Variants in KLHL3 observed in about 807,000 individuals in gnomAD.
KLHL3 encodes the protein kelch like family member 3.
In KLHL3, 19 loss-of-function variants were observed where a neutral mutation model predicts 70.5. The observed-to-expected ratio is 0.27, with a 90% CI of 0.19 to 0.40. The LOEUF is 0.40. Among genes scored for constraint, KLHL3 ranks in the 10% least tolerant of loss-of-function variants. The pLI, the probability that KLHL3 is intolerant of heterozygous loss-of-function variation, is 1.00. For missense variants in KLHL3, 512 were observed against 771.1 expected (o/e 0.66, Z 3.98); for synonymous variants, 258 against 290.3 (o/e 0.89, Z 1.13).
chr5:137,714,549 C>CAAT (rs1752858585), intron 2 of KLHL3, among the ~76,000 whole-genome samples: 1 of 152,090 alleles, frequency 6.6e-6, no homozygotes, highest in Non-Finnish European at 1.5e-5. Flanking sequence ...AAAAGGCTAC[C>CAAT]TATTGTATGA....
intron 8 of KLHL3, among the ~76,000 whole-genome samples, chr5:137,653,245 G>A (rs373271525): frequency 8.6e-5 from 13 of 151,312 alleles, no homozygotes; most frequent in East Asian, 1.9e-4. Flanking sequence ...GTAAGACTCC[G>A]TCTCAAAAAA....
intron 13 of KLHL3, 48 bp from the exon 14 acceptor site, chr5:137,625,944 A>C: frequency 6.8e-6 from 11 of 1,612,492 alleles, no homozygotes; most frequent in Non-Finnish European, 9.3e-6. Flanking sequence ...AGGTGCACTA[A>C]GAGATCAGAA....
At chr5:137,680,309 T>C (rs1751991395) in intron 5 of KLHL3, among the ~76,000 whole-genome samples, 1 of 152,226 alleles carries the variant, frequency 6.6e-6, no homozygotes, top group African/African-American at 2.4e-5. Context: ...CCTGGGTTCA[T>C]GTCTTATAGT....
chr5:137,631,932 AAGG>A (rs35279803), intron 12 of KLHL3, among the ~76,000 whole-genome samples: 52,977 of 151,118 alleles, frequency 0.35, 9,961 homozygotes, highest in East Asian at 0.53. Flanking sequence ...AGCAAAATGA[AAGG>A]AGGAGGAGGA....
At chr5:137,708,932 T>G (rs968876796) in intron 3 of KLHL3, among the ~76,000 whole-genome samples, 1 of 152,224 alleles carries the variant, frequency 6.6e-6, no homozygotes, top group Non-Finnish European at 1.5e-5. Context: ...TGACCCAGTC[T>G]GGAGGTCTCA....
intron 2 of KLHL3, among the ~76,000 whole-genome samples, chr5:137,711,900 T>C (rs1752798447): frequency 6.6e-6 from 1 of 151,800 alleles, no homozygotes; most frequent in Non-Finnish European, 1.5e-5. Flanking sequence ...TATTTAAGAA[T>C]AACCACACTT....
At chr5:137,706,116 G>T in intron 3 of KLHL3, 1 of 985,352 alleles carries the variant, frequency 1.0e-6, no homozygotes, top group African/African-American at 1.7e-5. Flanking sequence ...ATTGGTATTT[G>T]GAACCACCTC....
chr5:137,713,034 T>C (rs774954288), intron 2 of KLHL3, among the ~76,000 whole-genome samples: 20 of 151,532 alleles, frequency 1.3e-4, no homozygotes, highest in Non-Finnish European at 2.8e-4. Flanking sequence ...GTTTTGAACA[T>C]GTTAAGTTTG....
At chr5:137,727,353 T>C (rs1753100883) in intron 1 of KLHL3, among the ~76,000 whole-genome samples, 3 of 152,114 alleles carry the variant, frequency 2.0e-5, no homozygotes, top group Admixed American at 1.3e-4. Flanking sequence ...GTCATCATTG[T>C]CTCTTGCCAG....
At chr5:137,670,495 A>G (rs911379303) in intron 6 of KLHL3, among the ~76,000 whole-genome samples, 33 of 151,484 alleles carry the variant, frequency 2.2e-4, no homozygotes, top group Non-Finnish European at 4.0e-4. Flanking sequence ...AAAGGGGCTC[A>G]GGGGCCAAAT....
intron 6 of KLHL3, among the ~76,000 whole-genome samples, chr5:137,669,805 C>T (rs1336914643): frequency 2.6e-5 from 4 of 152,092 alleles, no homozygotes; most frequent in South Asian, 2.1e-4. Context: ...TTGAGCCATA[C>T]GCAAAAGCAA....
chr5:137,654,498 T>C (rs968225957), intron 8 of KLHL3, among the ~76,000 whole-genome samples: 3 of 152,336 alleles, frequency 2.0e-5, no homozygotes, highest in African/African-American at 7.2e-5. Context: ...CAGTACACGA[T>C]CTGATAATCC....
chr5:137,732,620 C>T (rs1753196549), intron 1 of KLHL3, among the ~76,000 whole-genome samples: 2 of 152,022 alleles, frequency 1.3e-5, no homozygotes, highest in Non-Finnish European at 2.9e-5. Context: ...AATGGTTCTA[C>T]ATAATCTGCT....
rs559898871 is a variant in KLHL3 at position 137,619,088 on chromosome 5, C to T, written c.*3010G>A. On this transcript the variant is annotated 3_prime_UTR_variant, in exon 15 of 15. Coordinates refer to ENST00000309755, the MANE Select transcript of KLHL3 (RefSeq NM_017415.3). ...AAAAAATATCTTATAAAAATATCTA[C>T]GTTAAAATTTTAGCCTAAAAGCTAT... is the stretch of plus-strand genomic sequence containing the variant. 208 of 152,598 alleles carry T rather than the reference C, an allele frequency of 1.4e-3. No homozygotes were observed. Among genetic ancestry groups the T allele is most frequent in the African/African-American group, 4.7e-3 (197 of 41,524 alleles). 9.5% of individuals were successfully genotyped at this position (152,598 alleles called of 1,614,324 possible).
intron 11 of KLHL3, 136 bp from the exon 12 acceptor site, chr5:137,634,301 AACTT>A: frequency 1.1e-6 from 1 of 900,616 alleles, no homozygotes; most frequent in South Asian, 1.8e-5. Flanking sequence ...GGGGACCACC[AACTT>A]ACTCCTCAAC....
At chr5:137,682,981 T>C (rs1752070998) in intron 5 of KLHL3, among the ~76,000 whole-genome samples, 1 of 152,122 alleles carries the variant, frequency 6.6e-6, no homozygotes, top group Non-Finnish European at 1.5e-5. Context: ...TGTGACTTCC[T>C]TGACTTTGCG....
chr5:137,636,025 A>T (rs576097639), intron 11 of KLHL3, among the ~76,000 whole-genome samples: 1 of 152,316 alleles, frequency 6.6e-6, no homozygotes, highest in East Asian at 1.9e-4. Context: ...CTAAGGAACA[A>T]GAGAAGAAAT....
intron 8 of KLHL3, among the ~76,000 whole-genome samples, chr5:137,649,597 T>C (rs1185428439): frequency 6.6e-6 from 1 of 152,226 alleles, no homozygotes; most frequent in Non-Finnish European, 1.5e-5. Flanking sequence ...AACTGTGAGA[T>C]GATAGATGTT....
chr5:137,624,390 A>G (rs1176207268), intron 14 of KLHL3, among the ~76,000 whole-genome samples: 1 of 152,226 alleles, frequency 6.6e-6, no homozygotes, highest in Non-Finnish European at 1.5e-5. Context: ...TCAAGGGAAG[A>G]TTCCTCACTT....
Sources: gnomAD v4.1 joint callset for allele counts (sites outside exome capture counted in the v4.1 genomes callset) on GRCh38, gnomAD v4.1.1 for gene constraint, MANE v1.5 for transcripts, NCBI Gene and HGNC (gene_info 2026-07-23, HGNC 2026-07-21) for gene names.